ZNF266: variants seen among roughly 807,000 people sequenced by gnomAD.
ZNF266 encodes the protein zinc finger protein 1.
A neutral mutation model predicts 16.4 loss-of-function variants in ZNF266; 16 were observed. The ratio of observed to expected loss-of-function variants is 0.98; its 90% confidence interval spans 0.66 to 1.48. ZNF266 has a LOEUF of 1.48. Ranked by LOEUF, ZNF266 falls within the 40% of genes most tolerant of loss-of-function variation. The pLI, the probability that ZNF266 is intolerant of heterozygous loss-of-function variation, is 0.00. For missense variants in ZNF266, 738 were observed against 689.1 expected, an observed-to-expected ratio of 1.07 and a Z score of -0.79; for synonymous variants, 262 against 237.9, an observed-to-expected ratio of 1.10 and a Z score of -0.93.
At chr19:9,419,160 G>C (rs1167556257) in intron 7 of ZNF266, 57 bp downstream of exon 7, 1 of 155,070 alleles carries the variant, frequency 6.4e-6, no homozygotes, top group Non-Finnish European at 1.4e-5. Flanking sequence ...AGAAGGAAAT[G>C]TGTCTACCTG....
chr19:9,413,219 G>GT lies in ZNF266; in HGVS notation c.*55dup. 1 of 1,521,514 alleles carries GT rather than the reference G, an allele frequency of 6.6e-7. No homozygotes were observed. Among genetic ancestry groups the GT allele is most frequent in the Non-Finnish European group, 8.8e-7 (1 of 1,137,970 alleles). The allele number at this position is 1,521,514 out of a possible 1,614,324, so 94.3% of individuals were successfully genotyped here. ...TTTACATTCATAGGGTTTCTCCCCA[G>GT]TGAGTTTTCATGTCTTCAGAGAGAA... On this transcript the variant is annotated 3_prime_UTR_variant, in exon 11 of 11. Transcript: ENST00000592904.
chr19:9,432,808 CAAAGCAAAAACTCT>C (rs2071821519), intron 5 of ZNF266, among the ~76,000 whole-genome samples: 1 of 151,352 alleles, frequency 6.6e-6, no homozygotes, highest in South Asian at 2.1e-4. Context: ...TAAATGCTTC[CAAAGCAAAAACTCT>C]AAGGACCACC....
At chr19:9,423,585 G>T (rs1286762780) in intron 5 of ZNF266, among the ~76,000 whole-genome samples, 1 of 152,132 alleles carries the variant, frequency 6.6e-6, no homozygotes, top group Non-Finnish European at 1.5e-5. Flanking sequence ...CAGTTATAGG[G>T]CCAAATGGGG....
intron 8 of ZNF266, 132 bp from the exon 9 acceptor site, chr19:9,418,040 T>C: frequency 1.1e-6 from 1 of 908,472 alleles, no homozygotes; most frequent in Non-Finnish European, 1.7e-6. Context: ...GCAAATATCG[T>C]CTGTCTGTGC....
At chr19:9,416,299 T>C (rs901393641) in intron 9 of ZNF266, among the ~76,000 whole-genome samples, 2 of 151,490 alleles carry the variant, frequency 1.3e-5, no homozygotes, top group East Asian at 1.9e-4. Context: ...AATATTACCA[T>C]GGAAGGAAAG....
chr19:9,413,882 C>T lies in ZNF266; in HGVS notation c.1244G>A (p.Gly415Glu). 1 of 1,614,156 alleles carries T rather than the reference C, an allele frequency of 6.2e-7. No homozygotes were observed. The highest frequency in any genetic ancestry group is 8.5e-7 in the Non-Finnish European group (1 of 1,180,024). The change falls in exon 11 of 11, where the codon GGA (glycine) becomes GAA (glutamate). Residue 415 changes from glycine (G) to glutamate (E), a missense_variant. Coordinates refer to ENST00000592904, the MANE Select transcript of ZNF266 (RefSeq NM_001370374.1). Reference sequence around the variant, plus strand: ...ATCCTTACATTTATAGGGTTTTATTCCAGTGTGAATTCGAAAGTGATCACT... The same window carrying T: ...ATCCTTACATTTATAGGGTTTTATTTCAGTGTGAATTCGAAAGTGATCACT... ...CLSDHFRIHT[G>E]IKPYKCKDCG...
At chr19:9,428,540 C>A (rs2071108108) in intron 5 of ZNF266, among the ~76,000 whole-genome samples, 1 of 152,170 alleles carries the variant, frequency 6.6e-6, no homozygotes, top group Non-Finnish European at 1.5e-5. Context: ...CTGCTGCCTT[C>A]CATCCCTTAG....
In ZNF266 at chr19:9,435,167, G is replaced by T. The variant is rs2072282757; in HGVS notation, c.-531C>A. 6.6e-6 allele frequency: 1 copy of T among 151,782 alleles called. No individual in the cohort carries two copies. Among genetic ancestry groups the T allele is most frequent in the African/African-American group, 2.4e-5 (1 of 41,226 alleles). 9.4% of individuals were successfully genotyped at this position (151,782 alleles called of 1,614,324 possible). A position where few individuals can be genotyped will look rare whatever the true frequency, so the allele number is the denominator to read the frequency against. On this transcript the variant is annotated 5_prime_UTR_variant, in exon 2 of 11. The change creates a premature stop within an existing upstream ORF in the 5' untranslated region. Coordinates refer to ENST00000592904, the MANE Select transcript of ZNF266 (RefSeq NM_001370374.1). ...GGGGGGATGAAGGACCAGTCAACCTGATTCGAACGACGAAAACTCGTTGTT... is the reference window on the plus strand; with the variant it reads ...GGGGGGATGAAGGACCAGTCAACCTTATTCGAACGACGAAAACTCGTTGTT...
chr19:9,415,979 A>G (rs924386699), intron 9 of ZNF266, among the ~76,000 whole-genome samples: 1 of 152,022 alleles, frequency 6.6e-6, no homozygotes, highest in Non-Finnish European at 1.5e-5. Flanking sequence ...ACATGCCACA[A>G]CGCCCAGCTA....
At chr19:9,420,764 A>C (rs2069742303) in intron 5 of ZNF266, 1 of 152,118 alleles carries the variant, frequency 6.6e-6, no homozygotes, top group Admixed American at 6.5e-5. Flanking sequence ...AAAAGGAAAA[A>C]AAAAAAAAGA....
intron 5 of ZNF266, among the ~76,000 whole-genome samples, chr19:9,431,040 G>A (rs574401237): frequency 6.6e-6 from 1 of 152,306 alleles, no homozygotes; most frequent in Non-Finnish European, 1.5e-5. Flanking sequence ...CAACACACCA[G>A]AACACCTCTC....
intron 5 of ZNF266, among the ~76,000 whole-genome samples, chr19:9,432,598 G>C (rs2071780933): frequency 6.6e-6 from 1 of 152,118 alleles, no homozygotes; most frequent in Non-Finnish European, 1.5e-5. Context: ...ATATAAGCGA[G>C]TTAAGCTCCT....
chr19:9,421,803 A>G (rs2123090682), intron 5 of ZNF266, among the ~76,000 whole-genome samples: 1 of 152,298 alleles, frequency 6.6e-6, no homozygotes, highest in East Asian at 1.9e-4. Flanking sequence ...ATTACTGGGT[A>G]GATAGATACA....
At chr19:9,417,605 T>G (rs1474786053) in intron 9 of ZNF266, among the ~76,000 whole-genome samples, 1 of 152,068 alleles carries the variant, frequency 6.6e-6, no homozygotes, top group East Asian at 1.9e-4. Flanking sequence ...CGTGAGCCTG[T>G]AATCCCAGCT....
At chr19:9,423,330 G>C (rs1367822799) in intron 5 of ZNF266, among the ~76,000 whole-genome samples, 1 of 152,176 alleles carries the variant, frequency 6.6e-6, no homozygotes, top group African/African-American at 2.4e-5. Flanking sequence ...ACAGACTCAC[G>C]TTCCGGTGTG....
intron 9 of ZNF266, among the ~76,000 whole-genome samples, chr19:9,417,481 C>A (rs918809576): frequency 6.6e-6 from 1 of 152,194 alleles, no homozygotes; most frequent in East Asian, 1.9e-4. Flanking sequence ...GTAATCCCAG[C>A]ACTTTGGGAG....
At chr19:9,420,890 A>G (rs2069765605) in intron 5 of ZNF266, 1 of 151,870 alleles carries the variant, frequency 6.6e-6, no homozygotes, top group African/African-American at 2.4e-5. Flanking sequence ...CTGACACCCA[A>G]TCTGTGGCTG....
Position 9,413,312 on chromosome 19 carries a change from T to C in ZNF266, c.1814A>G (p.His605Arg), listed in dbSNP as rs529542339. The C allele has an allele frequency of 1.9e-6, 3 of 1,603,516 alleles. No homozygotes were observed. Among genetic ancestry groups the C allele is most frequent in the East Asian group, 2.2e-5 (1 of 44,756 alleles). The change falls in exon 11 of 11, where the codon CAT (histidine) becomes CGT (arginine). Residue 605 changes from histidine (H) to arginine (R), a missense_variant. Transcript: ENST00000592904. The stretch of plus-strand genomic sequence containing the variant: ...TCTCTCATCCGCATGCCTTCTTTCA[T>C]GATTTCGAAAGGAACTGGAAGAACT... ...AFSSSSSFRN[H>R]ERRHADERLS... is the part of the protein sequence containing the mutation.
chr19:9,424,161 T>C (rs1258202872), intron 5 of ZNF266, among the ~76,000 whole-genome samples: 1 of 151,088 alleles, frequency 6.6e-6, no homozygotes, highest in African/African-American at 2.4e-5. Flanking sequence ...TTCTAATGCA[T>C]TGGAACAGGA....
Sources: allele counts gnomAD v4.1 joint callset (sites outside exome capture counted in the v4.1 genomes callset), GRCh38; gene constraint gnomAD v4.1.1; transcripts MANE v1.5; gene names NCBI Gene and HGNC (gene_info 2026-07-23, HGNC 2026-07-21).